Variants in EFNA5 observed in about 807,000 individuals in gnomAD.
EFNA5 encodes the protein ephrin-A5.
Under a neutral mutation model 22.9 loss-of-function variants are expected in EFNA5, and 5 were observed. The observed-to-expected ratio is 0.22, with a 90% CI of 0.11 to 0.46. EFNA5 has a LOEUF of 0.46. EFNA5 is among the 20% of genes least tolerant of loss of function. EFNA5 has a pLI of 0.99. For synonymous variants in EFNA5, 113 were observed against 112.2 expected, an observed-to-expected ratio of 1.01 and a Z score of -0.04; for missense variants, 237 against 293.3, an observed-to-expected ratio of 0.81 and a Z score of 1.40.
intron 1 of EFNA5, among the ~76,000 whole-genome samples, chr5:107,587,326 T>G (rs907494832): frequency 2.0e-5 from 3 of 152,126 alleles, no homozygotes; most frequent in African/African-American, 7.2e-5. Context: ...GAAAGTTATT[T>G]CAGGACTCTC....
intron 1 of EFNA5, among the ~76,000 whole-genome samples, chr5:107,467,090 A>T (rs1750007429): frequency 6.6e-6 from 1 of 152,188 alleles, no homozygotes; most frequent in South Asian, 2.1e-4. Flanking sequence ...TAATTACTGA[A>T]CAAAATCGAA....
intron 1 of EFNA5, among the ~76,000 whole-genome samples, chr5:107,520,705 A>G (rs10491395): frequency 0.11 from 16,666 of 152,286 alleles, 1,255 homozygotes; most frequent in Middle Eastern, 0.32. Context: ...CCTTCAAACT[A>G]TAATTAGCAA....
intron 1 of EFNA5, among the ~76,000 whole-genome samples, chr5:107,476,113 G>A (rs561057255): frequency 6.2e-4 from 69 of 110,516 alleles, no homozygotes; most frequent in African/African-American, 2.4e-3. Context: ...GTGTAATGGC[G>A]CGATCTCGGC....
rs3756542 is a variant in EFNA5, at chr5:107,386,793, G to A, written c.565+442C>T. ...AGAGAAAACTAAGTATGTTGAATTA[G>A]TTTCTATTTTGTGCAATAGTCTTAT... is the stretch of plus-strand genomic sequence containing the variant. On this transcript the variant is annotated intron_variant, in intron 4 of 4. Coordinates refer to ENST00000333274, the MANE Select transcript of EFNA5 (RefSeq NM_001962.3). 3.2e-3 allele frequency among the ~76,000 whole-genome samples: 480 copies of A among 152,242 alleles called. 5 individuals are homozygous for A. Among genetic ancestry groups the A allele is most frequent in the East Asian group, 0.02 (105 of 5,184 alleles).
chr5:107,603,127 G>A (rs925917188), intron 1 of EFNA5, among the ~76,000 whole-genome samples: 2 of 152,160 alleles, frequency 1.3e-5, no homozygotes, highest in Admixed American at 1.3e-4. Flanking sequence ...TTTGCAATGA[G>A]AGCAGTTATA....
At chr5:107,644,455 C>A (rs945023636) in intron 1 of EFNA5, among the ~76,000 whole-genome samples, 5 of 152,056 alleles carry the variant, frequency 3.3e-5, no homozygotes, top group Admixed American at 2.0e-4. Context: ...TCGGAATAGG[C>A]TCATTAAACA....
chr5:107,644,976 C>G (rs565927135), intron 1 of EFNA5, among the ~76,000 whole-genome samples: 1 of 152,332 alleles, frequency 6.6e-6, no homozygotes, highest in South Asian at 2.1e-4. Context: ...GCTGGGATTA[C>G]AGGCGTGAGC....
intron 1 of EFNA5, among the ~76,000 whole-genome samples, chr5:107,434,064 G>A (rs938427078): frequency 1.3e-5 from 2 of 152,150 alleles, no homozygotes; most frequent in African/African-American, 4.8e-5. Context: ...ACTTTCTACT[G>A]AGGAAGCAAA....
intron 1 of EFNA5, among the ~76,000 whole-genome samples, chr5:107,607,529 T>C (rs1749749247): frequency 1.3e-5 from 2 of 152,246 alleles, no homozygotes; most frequent in South Asian, 2.1e-4. Flanking sequence ...TTTCAGATTT[T>C]ACTAACCTAT....
chr5:107,554,760 T>C (rs1039461319), intron 1 of EFNA5, among the ~76,000 whole-genome samples: 3 of 152,206 alleles, frequency 2.0e-5, no homozygotes, highest in African/African-American at 7.2e-5. Flanking sequence ...TTAGGCACTA[T>C]TTTCTATACT....
intron 1 of EFNA5, among the ~76,000 whole-genome samples, chr5:107,434,883 A>G (rs1052646208): frequency 6.6e-6 from 1 of 152,230 alleles, no homozygotes; most frequent in African/African-American, 2.4e-5. Flanking sequence ...CTTGAACAGA[A>G]ATCCAATGTC....
chr5:107,413,667 T>C (rs1748429701), intron 2 of EFNA5, among the ~76,000 whole-genome samples: 4 of 152,194 alleles, frequency 2.6e-5, no homozygotes, highest in African/African-American at 9.6e-5. Flanking sequence ...AGCTTGCCAC[T>C]TTGAAAAAGA....
intron 1 of EFNA5, among the ~76,000 whole-genome samples, chr5:107,438,115 C>T (rs537837459): frequency 3.3e-5 from 5 of 152,174 alleles, no homozygotes; most frequent in African/African-American, 1.2e-4. Context: ...GTGCACTTAG[C>T]CAAAGCTGCT....
In EFNA5 at chr5:107,481,774, C is replaced by T. The variant is rs145535714; in HGVS notation, c.126-54265G>A. Among the ~76,000 whole-genome samples the T allele has an allele frequency of 7.9e-3, 1,183 of 149,648 alleles. 11 individuals carry two copies. Among genetic ancestry groups the T allele is most frequent in the Non-Finnish European group, 0.011 (763 of 67,736 alleles). On this transcript the variant is annotated intron_variant, in intron 1 of 4. Coordinates refer to ENST00000333274, the MANE Select transcript of EFNA5 (RefSeq NM_001962.3). The stretch of plus-strand genomic sequence containing the variant: ...CTGAAGTAGGAGAATCACTTGAACC[C>T]GGGAGGCAGAGGTTGCAGTGAGCTG...
At chr5:107,532,553 T>C (rs1185317647) in intron 1 of EFNA5, among the ~76,000 whole-genome samples, 2 of 152,154 alleles carry the variant, frequency 1.3e-5, no homozygotes, top group South Asian at 2.1e-4. Context: ...CACGGTCCAA[T>C]GTGGGACGGA....
At chr5:107,450,474 G>A (rs537580754) in intron 1 of EFNA5, among the ~76,000 whole-genome samples, 5 of 152,160 alleles carry the variant, frequency 3.3e-5, no homozygotes, top group Non-Finnish European at 7.3e-5. Flanking sequence ...GTGTCCTTAA[G>A]CATGTGCAAA....
chr5:107,637,591 G>A (rs1750404468), intron 1 of EFNA5, among the ~76,000 whole-genome samples: 1 of 150,006 alleles, frequency 6.7e-6, no homozygotes, highest in Non-Finnish European at 1.5e-5. Context: ...TATGGATTAG[G>A]TTATTTTTAG....
intron 1 of EFNA5, among the ~76,000 whole-genome samples, chr5:107,512,073 T>A (rs1205127574): frequency 6.6e-6 from 1 of 152,238 alleles, no homozygotes; most frequent in East Asian, 1.9e-4. Flanking sequence ...ACACTTGTTT[T>A]ACTTCCTTTC....
intron 1 of EFNA5, among the ~76,000 whole-genome samples, chr5:107,584,662 G>A (rs537498389): frequency 6.6e-6 from 1 of 152,306 alleles, no homozygotes; most frequent in South Asian, 2.1e-4. Context: ...CCAGGTGACA[G>A]CATTTACTGA....
Sources: allele counts gnomAD v4.1 joint callset (sites outside exome capture counted in the v4.1 genomes callset), GRCh38; gene constraint gnomAD v4.1.1; transcripts MANE v1.5; gene names NCBI Gene and HGNC (gene_info 2026-07-23, HGNC 2026-07-21).